The following BORCS5 variants were observed in gnomAD, a reference collection of about 807,000 sequenced individuals.
The protein encoded by BORCS5 is BLOC-1-related complex subunit 5.
In BORCS5, 17 loss-of-function variants were observed where a neutral mutation model predicts 22.1. The observed-to-expected ratio is 0.77, with a 90% CI of 0.53 to 1.15. The LOEUF (loss-of-function observed/expected upper bound fraction) is 1.15. Ranked by LOEUF, BORCS5 falls within the 50% of genes most tolerant of loss-of-function variation. BORCS5 has a pLI of 0.00. For missense variants in BORCS5, 247 were observed against 253.2 expected (o/e 0.98, Z 0.17); for synonymous variants, 117 against 99.8 (o/e 1.17, Z -1.03).
intron 3 of BORCS5, among the ~76,000 whole-genome samples, chr12:12,436,941 G>T (rs957336526): frequency 1.3e-5 from 2 of 152,092 alleles, no homozygotes; most frequent in Admixed American, 1.3e-4. Context: ...CTATATTATG[G>T]TCTACCAAGC....
chr12:12,377,118 G>A (rs1863672066), intron 2 of BORCS5, among the ~76,000 whole-genome samples: 1 of 151,530 alleles, frequency 6.6e-6, no homozygotes, highest in African/African-American at 2.4e-5. Flanking sequence ...GTCTATCTCT[G>A]TACTCAGAGA....
Position 12,366,462 on chromosome 12 carries a change from G to T in BORCS5, c.202+5113G>T, listed in dbSNP as rs536037971. Among the ~76,000 whole-genome samples, 47 of 152,180 alleles carry T rather than the reference G, an allele frequency of 3.1e-4. 2 individuals carry two copies. The South Asian group carries it at 5.4e-3, about 17-fold the overall frequency. On this transcript the variant is annotated intron_variant, in intron 2 of 3. Coordinates refer to ENST00000314565, the MANE Select transcript of BORCS5 (RefSeq NM_058169.6). The stretch of plus-strand genomic sequence containing the variant: ...TTTATGCTCCATAATCCAAATATCT[G>T]TTCCTTTTTTTATCAAAGGGATTTC...
At chr12:12,386,358 T>C (rs1275140326) in intron 2 of BORCS5, among the ~76,000 whole-genome samples, 4 of 151,100 alleles carry the variant, frequency 2.6e-5, no homozygotes, top group Non-Finnish European at 4.4e-5. Flanking sequence ...TCTTGCTGTT[T>C]TATATATGTT....
intron 2 of BORCS5, among the ~76,000 whole-genome samples, chr12:12,433,323 A>AG (rs1942477165): frequency 1.7e-5 from 1 of 58,436 alleles, no homozygotes; most frequent in Non-Finnish European, 3.2e-5. Context: ...ACTGTGTCTC[A>AG]AAAAAAAAAA....
At chr12:12,408,801 T>G (rs1220135987) in intron 2 of BORCS5, among the ~76,000 whole-genome samples, 1 of 152,208 alleles carries the variant, frequency 6.6e-6, no homozygotes, top group Non-Finnish European at 1.5e-5. Context: ...GGGAATTCCT[T>G]TTTAAGGAAT....
intron 2 of BORCS5, among the ~76,000 whole-genome samples, chr12:12,413,461 A>G (rs1178953870): frequency 6.7e-6 from 1 of 149,652 alleles, no homozygotes; most frequent in African/African-American, 2.5e-5. Flanking sequence ...ACAAAATGAA[A>G]AGTCTCCCAT....
intron 3 of BORCS5, among the ~76,000 whole-genome samples, chr12:12,437,816 T>C (rs990070872): frequency 1.1e-5 from 1 of 91,766 alleles, no homozygotes; most frequent in Non-Finnish European, 2.2e-5. Flanking sequence ...GGCTGGAGTT[T>C]AGTGATAACA....
chr12:12,388,034 G>A (rs557545660), intron 2 of BORCS5, among the ~76,000 whole-genome samples: 1 of 151,328 alleles, frequency 6.6e-6, no homozygotes, highest in South Asian at 2.1e-4. Context: ...GTTTCTAGTT[G>A]GTATTTTTGT....
At chr12:12,422,251 A>AT (rs1942148715) in intron 2 of BORCS5, among the ~76,000 whole-genome samples, 2 of 152,070 alleles carry the variant, frequency 1.3e-5, no homozygotes, top group African/African-American at 4.8e-5. Flanking sequence ...TAACACAATA[A>AT]TTTGAATTTA....
intron 3 of BORCS5, among the ~76,000 whole-genome samples, chr12:12,448,903 C>A (rs1360347997): frequency 6.6e-6 from 1 of 152,226 alleles, no homozygotes; most frequent in Admixed American, 6.5e-5. Context: ...TGTTCCCTTA[C>A]CCTGTATTCC....
chr12:12,385,216 A>G (rs575959798), intron 2 of BORCS5, among the ~76,000 whole-genome samples: 2 of 151,590 alleles, frequency 1.3e-5, no homozygotes, highest in African/African-American at 4.8e-5. Context: ...GCAAATGCAT[A>G]CAGCCTTAGC....
chr12:12,421,098 T>G (rs148144016), intron 2 of BORCS5, among the ~76,000 whole-genome samples: 1 of 152,070 alleles, frequency 6.6e-6, no homozygotes, highest in African/African-American at 2.4e-5. Context: ...TGAATAGGAG[T>G]GGTGAGAGGG....
intron 2 of BORCS5, among the ~76,000 whole-genome samples, chr12:12,366,078 C>G (rs573314044): frequency 2.6e-4 from 40 of 152,266 alleles, no homozygotes; most frequent in African/African-American, 8.7e-4. Context: ...GCATCACTGT[C>G]GCCTTTATAC....
intron 1 of BORCS5, among the ~76,000 whole-genome samples, chr12:12,360,440 C>T (rs1863254856): frequency 6.6e-6 from 1 of 152,002 alleles, no homozygotes; most frequent in African/African-American, 2.4e-5. Flanking sequence ...TGCTGTCTTA[C>T]CCATGCAGTG....
intron 2 of BORCS5, among the ~76,000 whole-genome samples, chr12:12,394,793 C>T (rs1941290398): frequency 1.3e-5 from 2 of 152,050 alleles, no homozygotes; most frequent in African/African-American, 4.8e-5. Flanking sequence ...GTGTGGAGTG[C>T]CTGTTTCCCA....
At chr12:12,389,314 T>G (rs533017172) in intron 2 of BORCS5, among the ~76,000 whole-genome samples, 4 of 150,704 alleles carry the variant, frequency 2.7e-5, no homozygotes, top group African/African-American at 9.8e-5. Context: ...ATTTTTATAT[T>G]TTTAGTAGAG....
intron 3 of BORCS5, among the ~76,000 whole-genome samples, chr12:12,459,058 G>A (rs1479545085): frequency 3.3e-5 from 5 of 151,622 alleles, no homozygotes; most frequent in African/African-American, 4.8e-5. Context: ...CACCAGGCCC[G>A]ACTAATTTTG....
intron 2 of BORCS5, among the ~76,000 whole-genome samples, chr12:12,377,566 T>C (rs546869797): frequency 2.0e-5 from 3 of 152,112 alleles, no homozygotes; most frequent in African/African-American, 7.2e-5. Flanking sequence ...TAAATGCAAT[T>C]AAGCATTAGG....
At position 12,420,517 on chromosome 12, in the gene BORCS5, T is replaced by G. The variant is rs531724755; in HGVS notation, c.203-15111T>G. ...TTGTTCTTTTTGCTTAGGATTGTCT[T>G]GGCAATGCGGGCTCTTTTTTGGTTC... On this transcript the variant is annotated intron_variant, in intron 2 of 3. Transcript: ENST00000314565. Among the ~76,000 whole-genome samples the G allele has an allele frequency of 3.9e-5, 6 of 152,322 alleles. No individual in the cohort carries two copies. The East Asian group carries it at 1.2e-3, about 29-fold the overall frequency.
Sources: gnomAD v4.1 joint callset for allele counts (sites outside exome capture counted in the v4.1 genomes callset) on GRCh38, gnomAD v4.1.1 for gene constraint, MANE v1.5 for transcripts, NCBI Gene and HGNC (gene_info 2026-07-23, HGNC 2026-07-21) for gene names.